Variants in TUB observed in about 807,000 individuals in gnomAD.
TUB encodes the protein TUB bipartite transcription factor.
A neutral mutation model predicts 59.7 loss-of-function variants in TUB; 33 were observed. That is an observed-to-expected ratio of 0.55 (90% CI 0.42 to 0.74). The LOEUF (loss-of-function observed/expected upper bound fraction) is 0.74. Among genes scored for constraint, TUB ranks in the 30% least tolerant of loss-of-function variants. The pLI, the probability that TUB is intolerant of heterozygous loss-of-function variation, is 0.00. For synonymous variants in TUB, 293 were observed against 256.4 expected, an observed-to-expected ratio of 1.14 and a Z score of -1.36; for missense variants, 659 against 672.0, an observed-to-expected ratio of 0.98 and a Z score of 0.21.
chr11:8,021,872 C>T lies in TUB; in HGVS notation c.56+2514C>T, dbSNP rs569567141. 7.1e-4 allele frequency among the ~76,000 whole-genome samples: 106 copies of T among 149,476 alleles called. No homozygotes were observed. In the East Asian group the frequency reaches 0.016, roughly 22 times the overall value. ...TGGAGCTTGCAGTGAGCCGAGATCA[C>T]GCCACTGGACTCTAGCCTGGGCAAC... On this transcript the variant is annotated intron_variant, in intron 1 of 11. Transcript: ENST00000534099.
At chr11:8,065,136 G>C (rs924618752) in intron 2 of TUB, among the ~76,000 whole-genome samples, 2 of 152,196 alleles carry the variant, frequency 1.3e-5, no homozygotes, top group African/African-American at 4.8e-5. Flanking sequence ...CTGGACTTGG[G>C]AAGGACCCTG....
At chr11:8,050,885 A>G (rs1942924752) in intron 2 of TUB, among the ~76,000 whole-genome samples, 1 of 152,202 alleles carries the variant, frequency 6.6e-6, no homozygotes, top group African/African-American at 2.4e-5. Context: ...CTTTTGAGGG[A>G]TGTAATCTTA....
At chr11:8,046,652 AT>A (rs1261001702) in intron 2 of TUB, among the ~76,000 whole-genome samples, 4 of 152,176 alleles carry the variant, frequency 2.6e-5, no homozygotes, top group Non-Finnish European at 5.9e-5. Context: ...TCCTCACGGT[AT>A]TTAGTCTAAG....
At chr11:8,024,691 A>G (rs1942476857) in intron 1 of TUB, among the ~76,000 whole-genome samples, 1 of 152,140 alleles carries the variant, frequency 6.6e-6, no homozygotes, top group South Asian at 2.1e-4. Flanking sequence ...CTCATGTTTG[A>G]TTATTCAATT....
chr11:8,064,141 G>C (rs897537803), intron 2 of TUB, among the ~76,000 whole-genome samples: 1 of 152,132 alleles, frequency 6.6e-6, no homozygotes, highest in Non-Finnish European at 1.5e-5. Flanking sequence ...CAGAATGTAC[G>C]TCAGGGCCAT....
rs770460278 is a variant in TUB, at chr11:8,101,658, C to A, written c.*39C>A. 1 of 1,607,706 alleles carries A rather than the reference C, an allele frequency of 6.2e-7. No homozygotes were observed. Among genetic ancestry groups the A allele is most frequent in the African/African-American group, 1.3e-5 (1 of 74,840 alleles). ...CCCTTTGGGGTTGCCCAGCCTGGAG[C>A]GGAGCTTGCCTGCCTGCCTGTGGAG... On this transcript the variant is annotated 3_prime_UTR_variant, in exon 12 of 12. Coordinates refer to ENST00000299506, the MANE Select transcript of TUB (RefSeq NM_177972.3).
chr11:8,087,253 G>C (rs1943686210), intron 1 of TUB, among the ~76,000 whole-genome samples: 1 of 152,244 alleles, frequency 6.6e-6, no homozygotes, highest in Non-Finnish European at 1.5e-5. Flanking sequence ...TCAGCTGGAT[G>C]TCCCCTTTTC....
At chr11:8,062,485 T>G (rs1236986337) in intron 2 of TUB, among the ~76,000 whole-genome samples, 1 of 149,622 alleles carries the variant, frequency 6.7e-6, no homozygotes. Flanking sequence ...TCTAGGCTAC[T>G]GGGCAGGGCC....
At chr11:8,089,978 T>C in intron 2 of TUB, 91 bp from the exon 3 acceptor site, 1 of 1,454,454 alleles carries the variant, frequency 6.9e-7, no homozygotes, top group Non-Finnish European at 9.1e-7. Context: ...CATGGGGCCT[T>C]GGCCCAAGGT....
intron 7 of TUB, 109 bp from the exon 8 acceptor site, chr11:8,097,605 A>T: frequency 6.2e-6 from 8 of 1,299,922 alleles, no homozygotes; most frequent in Non-Finnish European, 8.8e-6. Context: ...GTGTGCACAT[A>T]TGTGCGTTTG....
At position 8,097,133 on chromosome 11, in the gene TUB, C is replaced by T. The variant is rs146692798; in HGVS notation, c.688-95C>T. 9.4e-5 allele frequency: 131 copies of T among 1,387,602 alleles called. No homozygotes were observed. The African/African-American group carries it at 1.6e-3, about 16-fold the overall frequency. 86.0% of individuals were successfully genotyped at this position (1,387,602 alleles called of 1,614,324 possible). ...AATCCCAGGATCCTTCCCTCTCTCCCACCGCCACGTTAGGAGGCAGATTTG... is the reference window on the plus strand; with the variant it reads ...AATCCCAGGATCCTTCCCTCTCTCCTACCGCCACGTTAGGAGGCAGATTTG... On this transcript the variant is annotated intron_variant, in intron 6 of 11. Coordinates refer to ENST00000299506, the MANE Select transcript of TUB (RefSeq NM_177972.3).
At chr11:8,035,983 G>A (rs1311091647), upstream of TUB, 1 of 152,212 alleles carries the variant, frequency 6.6e-6, no homozygotes, top group Non-Finnish European at 1.5e-5. Flanking sequence ...TGCTGAGCAG[G>A]GTCTGTCAGT....
At chr11:8,062,751 A>G (rs1943157102) in intron 2 of TUB, among the ~76,000 whole-genome samples, 1 of 151,932 alleles carries the variant, frequency 6.6e-6, no homozygotes, top group African/African-American at 2.4e-5. Flanking sequence ...GGGCCCAGGA[A>G]TCTTTATTTT....
rs768123788 is a variant in TUB at position 8,101,009 on chromosome 11, T to C, written c.1387+12T>C. On this transcript the variant is annotated intron_variant, in intron 11 of 11. Coordinates refer to ENST00000299506, the MANE Select transcript of TUB (RefSeq NM_177972.3). ...CCATGGCAATGACCGTGAGTGTTTC[T>C]GTCCCTACTCATTATGGTCCGTAGG... The C allele has an allele frequency of 2.5e-6, 4 of 1,613,996 alleles. No individual in the cohort carries two copies. Among genetic ancestry groups the C allele is most frequent in the African/African-American group, 2.7e-5 (2 of 74,938 alleles).
At chr11:8,025,683 T>G (rs1942491333) in intron 1 of TUB, among the ~76,000 whole-genome samples, 1 of 152,244 alleles carries the variant, frequency 6.6e-6, no homozygotes, top group Admixed American at 6.5e-5. Flanking sequence ...TGCTGAGTAG[T>G]ATTCATGGAT....
chr11:8,081,991 G>C (rs1183358236), intron 1 of TUB, among the ~76,000 whole-genome samples: 3 of 152,238 alleles, frequency 2.0e-5, no homozygotes, highest in Admixed American at 2.0e-4. Flanking sequence ...GCATGGATCC[G>C]TGAAGACAGT....
intron 2 of TUB, among the ~76,000 whole-genome samples, chr11:8,066,140 G>A (rs183454741): frequency 1.3e-5 from 2 of 152,258 alleles, no homozygotes; most frequent in African/African-American, 2.4e-5. Context: ...GGGGCTCCAA[G>A]GGTACTGCCA....
chr11:8,085,197 C>T (rs954553144), intron 1 of TUB, among the ~76,000 whole-genome samples: 4 of 152,234 alleles, frequency 2.6e-5, no homozygotes, highest in African/African-American at 9.7e-5. Flanking sequence ...TTAGAGATCA[C>T]CAGCTGTGGC....
chr11:8,101,641 G>A lies in TUB; in HGVS notation c.*22G>A. On this transcript the variant is annotated 3_prime_UTR_variant, in exon 12 of 12. Transcript: ENST00000299506. ...GTAGAGGCCTCTTCGTGCCCTTTGG[G>A]GTTGCCCAGCCTGGAGCGGAGCTTG... is the stretch of plus-strand genomic sequence containing the variant. The A allele has an allele frequency of 1.2e-6, 2 of 1,613,450 alleles. No individual in the cohort carries two copies. Among genetic ancestry groups the A allele is most frequent in the Non-Finnish European group, 1.7e-6 (2 of 1,179,734 alleles).
Sources: allele counts gnomAD v4.1 joint callset (sites outside exome capture counted in the v4.1 genomes callset), GRCh38; gene constraint gnomAD v4.1.1; transcripts MANE v1.5; gene names NCBI Gene and HGNC (gene_info 2026-07-23, HGNC 2026-07-21).